The following RGS7 variants were observed in gnomAD, a reference collection of about 807,000 sequenced individuals.
The protein encoded by RGS7 is regulator of G-protein signaling 7.
In RGS7, 27 loss-of-function variants were observed where a neutral mutation model predicts 81.1. The ratio of observed to expected loss-of-function variants is 0.33; its 90% CI spans 0.25 to 0.46. The LOEUF is 0.46. RGS7 is among the 20% of genes least tolerant of loss of function. RGS7 has a pLI of 1.00. For missense variants in RGS7, 396 were observed against 607.4 expected (o/e 0.65, Z 3.66); for synonymous variants, 208 against 207.7 (o/e 1.00, Z -0.01).
At chr1:240,986,199 G>C (rs1685642837) in intron 3 of RGS7, among the ~76,000 whole-genome samples, 1 of 152,112 alleles carries the variant, frequency 6.6e-6, no homozygotes, top group Non-Finnish European at 1.5e-5. Context: ...AGAAGCAGTA[G>C]AGGTTTTATT....
chr1:240,914,369 G>A (rs990360712), intron 6 of RGS7, among the ~76,000 whole-genome samples: 1 of 152,064 alleles, frequency 6.6e-6, no homozygotes, highest in Admixed American at 6.6e-5. Flanking sequence ...AGAGTGCCAG[G>A]TTTCTCTCCT....
chr1:240,833,724 A>C (rs1040892250), intron 9 of RGS7, among the ~76,000 whole-genome samples: 3 of 152,166 alleles, frequency 2.0e-5, no homozygotes, highest in Admixed American at 2.0e-4. Flanking sequence ...ATGATCCCTT[A>C]TTCTTACATG....
At chr1:240,851,424 C>T (rs1357987837) in intron 9 of RGS7, among the ~76,000 whole-genome samples, 2 of 152,220 alleles carry the variant, frequency 1.3e-5, no homozygotes, top group East Asian at 3.8e-4. Flanking sequence ...CACTCACTGA[C>T]AATGCACCTG....
intron 2 of RGS7, among the ~76,000 whole-genome samples, chr1:241,122,396 C>G (rs6673978): frequency 0.018 from 2,690 of 152,228 alleles, 92 homozygotes; most frequent in African/African-American, 0.062. Context: ...GGCATGGTGT[C>G]TGATGCCTGT....
chr1:241,123,751 C>G (rs1396089058), intron 2 of RGS7, among the ~76,000 whole-genome samples: 1 of 151,682 alleles, frequency 6.6e-6, no homozygotes, highest in African/African-American at 2.4e-5. Flanking sequence ...AACTCCATTT[C>G]AAAAAAAGAA....
At chr1:240,993,636 T>C (rs1349045546) in intron 3 of RGS7, among the ~76,000 whole-genome samples, 3 of 152,144 alleles carry the variant, frequency 2.0e-5, no homozygotes, top group African/African-American at 7.2e-5. Flanking sequence ...TACAGATAAT[T>C]TCTTTTACTC....
At chr1:241,328,801 T>C (rs773059350) in intron 2 of RGS7, among the ~76,000 whole-genome samples, 2 of 151,584 alleles carry the variant, frequency 1.3e-5, no homozygotes, top group Non-Finnish European at 3.0e-5. Flanking sequence ...TGCTATCTTA[T>C]TATCCCTACC....
chr1:241,275,062 G>A (rs1188774657), intron 2 of RGS7, among the ~76,000 whole-genome samples: 1 of 152,198 alleles, frequency 6.6e-6, no homozygotes, highest in African/African-American at 2.4e-5. Flanking sequence ...TACTATAAGT[G>A]CACTTATGGC....
chr1:241,285,205 G>T (rs560382824), intron 2 of RGS7, among the ~76,000 whole-genome samples: 1 of 152,194 alleles, frequency 6.6e-6, no homozygotes, highest in Admixed American at 6.5e-5. Context: ...TTTTTCCAGG[G>T]CTTTGACTAG....
intron 3 of RGS7, among the ~76,000 whole-genome samples, chr1:241,085,761 A>G (rs2063399918): frequency 6.6e-6 from 1 of 152,110 alleles, no homozygotes; most frequent in Admixed American, 6.6e-5. Flanking sequence ...TGCACCAATC[A>G]TGACCCATTT....
chr1:240,818,900 A>G (rs1691290798), intron 10 of RGS7, among the ~76,000 whole-genome samples: 1 of 151,844 alleles, frequency 6.6e-6, no homozygotes, highest in South Asian at 2.1e-4. Flanking sequence ...AATGTATTCC[A>G]TATTTCAAAG....
Position 240,936,608 on chromosome 1 carries a change from G to A in RGS7, c.325C>T (p.Arg109Trp), listed in dbSNP as rs370775204. 10 of 1,611,274 alleles carry A rather than the reference G, an allele frequency of 6.2e-6. No individual in the cohort carries two copies. The highest frequency in any genetic ancestry group is 7.6e-6 in the Non-Finnish European group (9 of 1,177,552). The change falls in exon 5 of 19, where the codon CGG (arginine) becomes TGG (tryptophan). Residue 109 changes from arginine (R) to tryptophan (W), a missense_variant. Physicochemically the swap from Arg to Trp is moderately radical, Grantham distance 101 (BLOSUM62 -3). Transcript: ENST00000440928. ...LTLKDDGTFYRFQTPYFWPSN... is the reference protein window; with the variant it reads ...LTLKDDGTFYWFQTPYFWPSN... ...ATTTCTAATAAACTTACTTGAAACC[G>A]GTAAAAGGTGCCATCATCCTTGAGT...
At chr1:240,797,304 T>C (rs1307719145) in intron 18 of RGS7, among the ~76,000 whole-genome samples, 2 of 152,336 alleles carry the variant, frequency 1.3e-5, no homozygotes, top group East Asian at 3.9e-4. Flanking sequence ...CCCTCCTTAA[T>C]GTTTGCATAG....
At chr1:240,875,288 G>A (rs1665202351) in intron 6 of RGS7, among the ~76,000 whole-genome samples, 1 of 152,128 alleles carries the variant, frequency 6.6e-6, no homozygotes, top group Non-Finnish European at 1.5e-5. Context: ...CGCAGTATTT[G>A]TGTTTCAGTG....
intron 3 of RGS7, among the ~76,000 whole-genome samples, chr1:241,022,423 A>G (rs936496218): frequency 6.6e-6 from 1 of 152,240 alleles, no homozygotes; most frequent in Non-Finnish European, 1.5e-5. Context: ...CAAATTAGCC[A>G]GAAGACTAGA....
chr1:241,222,778 C>A (rs914011886), intron 2 of RGS7, among the ~76,000 whole-genome samples: 5 of 152,124 alleles, frequency 3.3e-5, no homozygotes, highest in Non-Finnish European at 7.4e-5. Context: ...CCTGTAATAC[C>A]TCCCATTATC....
intron 2 of RGS7, among the ~76,000 whole-genome samples, chr1:241,335,387 T>A (rs548989826): frequency 2.3e-4 from 35 of 151,888 alleles, no homozygotes; most frequent in Admixed American, 1.3e-3. Flanking sequence ...TGTTTAATGA[T>A]TCTGGAATTG....
chr1:240,839,913 G>C (rs1572357079), intron 9 of RGS7, among the ~76,000 whole-genome samples: 1 of 152,180 alleles, frequency 6.6e-6, no homozygotes, highest in East Asian at 1.9e-4. Context: ...TCACCAAGGA[G>C]GCATCACTAA....
At chr1:240,973,827 G>A (rs1391845160) in intron 4 of RGS7, among the ~76,000 whole-genome samples, 1 of 151,948 alleles carries the variant, frequency 6.6e-6, no homozygotes, top group East Asian at 1.9e-4. Flanking sequence ...TGATCCATCC[G>A]CCTCGGCCTC....
Sources: gnomAD v4.1 joint callset for allele counts (sites outside exome capture counted in the v4.1 genomes callset) on GRCh38, gnomAD v4.1.1 for gene constraint, MANE v1.5 for transcripts, NCBI Gene and HGNC (gene_info 2026-07-23, HGNC 2026-07-21) for gene names.